STAG2: variants seen among roughly 807,000 people sequenced by gnomAD.
STAG2 encodes the protein cohesin subunit SA-2.
A neutral mutation model predicts 108.1 loss-of-function variants in STAG2; 14 were observed. The observed-to-expected ratio is 0.13, with a 90% CI of 0.09 to 0.20. STAG2 has a LOEUF of 0.20. Ranked by LOEUF, STAG2 falls within the 10% of genes least tolerant of loss-of-function variation. The pLI, the probability that STAG2 is intolerant of heterozygous loss-of-function variation, is 1.00. For missense variants in STAG2, 440 were observed against 940.9 expected, an observed-to-expected ratio of 0.47 and a Z score of 6.96; for synonymous variants, 307 against 302.7, an observed-to-expected ratio of 1.01 and a Z score of -0.15.
chrX:124,041,218 AT>A (rs201660600), intron 6 of STAG2, among the ~76,000 whole-genome samples: 10,780 of 96,944 alleles, frequency 0.11, 840 homozygotes, highest in East Asian at 0.39. Context: ...TAAAACAATC[AT>A]TTTTTTTTTT....
chrX:123,995,990 C>T (rs1440239453), intron 1 of STAG2, among the ~76,000 whole-genome samples: 2 of 111,691 alleles, frequency 1.8e-5, no homozygotes, highest in Non-Finnish European at 3.8e-5. Context: ...CACCAGTATC[C>T]TGAATACCAC....
chrX:124,060,406 G>A (rs991454880), intron 15 of STAG2, among the ~76,000 whole-genome samples: 11 of 112,482 alleles, frequency 9.8e-5, no homozygotes, highest in Non-Finnish European at 1.9e-4. Context: ...GATTACAGGC[G>A]TGAGCCACCA....
At chrX:124,012,947 A>G (rs1482979487) in intron 1 of STAG2, among the ~76,000 whole-genome samples, 1 of 111,748 alleles carries the variant, frequency 8.9e-6, no homozygotes, top group Non-Finnish European at 1.9e-5. Flanking sequence ...AGTATGTGAA[A>G]TGAAAATTTA....
At chrX:123,963,009 C>T (rs1209567235) in intron 1 of STAG2, among the ~76,000 whole-genome samples, 1 of 111,963 alleles carries the variant, frequency 8.9e-6, no homozygotes, top group Non-Finnish European at 1.9e-5. Context: ...TGGTTAGTGT[C>T]GAAAGAGGAA....
chrX:124,090,968 A>G lies in STAG2; in HGVS notation c.3578+4A>G. 3 of 1,143,839 alleles carry G rather than the reference A, an allele frequency of 2.6e-6. No homozygotes were observed. The highest frequency in any genetic ancestry group is 3.6e-6 in the Non-Finnish European group (3 of 835,789). The allele number at this position is 1,143,839 out of a possible 1,213,427, so 94.3% of individuals were successfully genotyped here. ...GAACTAATCTTCAGCATGCCATGTAAGTGAGAGTGCCTTATTGTCTGAGTC... is the reference window on the plus strand; with the variant it reads ...GAACTAATCTTCAGCATGCCATGTAGGTGAGAGTGCCTTATTGTCTGAGTC... On this transcript the variant is annotated splice_donor_region_variant and intron_variant, in intron 32 of 34. Coordinates refer to ENST00000371145, the MANE Select transcript of STAG2 (RefSeq NM_001042750.2).
intron 27 of STAG2, among the ~76,000 whole-genome samples, chrX:124,080,174 T>C (rs751911302): frequency 7.2e-5 from 8 of 111,167 alleles, no homozygotes; most frequent in Non-Finnish European, 1.5e-4. Context: ...GTACAGTACA[T>C]TACTCTTAAC....
chrX:124,025,960 TCA>T (rs768423067), intron 4 of STAG2, 42 bp downstream of exon 4: 34 of 938,416 alleles, frequency 3.6e-5, no homozygotes, highest in Admixed American at 7.5e-5. Flanking sequence ...TCCTAAGATC[TCA>T]CACACACACA....
chrX:124,045,818 T>C (rs2057859355), intron 8 of STAG2, among the ~76,000 whole-genome samples: 1 of 111,241 alleles, frequency 9.0e-6, no homozygotes, highest in Non-Finnish European at 1.9e-5. Flanking sequence ...GGAGATATCA[T>C]CACAGTCATT....
chrX:124,091,291 C>T lies in STAG2; in HGVS notation c.3578+327C>T, dbSNP rs183979154. ...ACTTAGTTCAGGCCCTCATCTCTCA[C>T]CTGAACTATTGTATTAGCTTTCTAA... On this transcript the variant is annotated intron_variant, in intron 32 of 34. Coordinates refer to ENST00000371145, the MANE Select transcript of STAG2 (RefSeq NM_001042750.2). 3.7e-3 allele frequency among the ~76,000 whole-genome samples: 416 copies of T among 111,399 alleles called. 2 individuals are homozygous for T. The highest frequency in any genetic ancestry group is 0.021 in the South Asian group (55 of 2,640).
chrX:124,018,144 C>CTG (rs1259325092), intron 1 of STAG2, among the ~76,000 whole-genome samples: 1 of 111,966 alleles, frequency 8.9e-6, no homozygotes, highest in African/African-American at 3.2e-5. Context: ...TCCTCCAAAG[C>CTG]TGTTAGAATG....
At chrX:124,082,175 C>T (rs1159308762) in intron 28 of STAG2, among the ~76,000 whole-genome samples, 1 of 111,664 alleles carries the variant, frequency 9.0e-6, no homozygotes, top group Non-Finnish European at 1.9e-5. Context: ...AGGTTTGATT[C>T]CTTTGTCTCA....
In STAG2 at chrX:124,037,548, G is replaced by T; in HGVS notation, c.310G>T (p.Glu104Ter). ...GTAGTCGGTGGTAGATGATTGGATA[G>T]AATCATACAAGCATGACCGAGATAT... ...AMQSVVDDWI[E>*]SYKHDRDIAL... is the part of the protein sequence containing the mutation. Residue 104 changes from glutamate to a stop codon, truncating the protein, a stop_gained, in exon 6 of 35, where the codon GAA becomes TAA. Transcript: ENST00000371145. LOFTEE classifies it high-confidence loss of function. 8.5e-7 allele frequency: 1 copy of T among 1,182,643 alleles called. No individual in the cohort carries two copies. Among genetic ancestry groups the T allele is most frequent in the South Asian group, 1.9e-5 (1 of 53,989 alleles).
At position 124,066,170 on chromosome X, in the gene STAG2, T is replaced by TTTTAA; in HGVS notation, c.2097-5_2097-4insTTTAA. 11 of 923,975 alleles carry TTTTAA rather than the reference T, an allele frequency of 1.2e-5. No homozygotes were observed. The highest frequency in any genetic ancestry group is 1.4e-5 in the Non-Finnish European group (10 of 700,151). 76.1% of individuals were successfully genotyped at this position (923,975 alleles called of 1,213,427 possible). On this transcript the variant is annotated splice_polypyrimidine_tract_variant and splice_region_variant and intron_variant, in intron 21 of 34. Transcript: ENST00000371145. Reference sequence around the variant, plus strand: ...TTTTTTTTTTTTTTTTTTTTTTTTTTACAGTGCCCATGACCTTTCAAAGTG... The same window carrying TTTTAA: ...TTTTTTTTTTTTTTTTTTTTTTTTTTTTTAAACAGTGCCCATGACCTTTCAAAGTG...
At chrX:124,096,287 C>T (rs1265085592) in intron 34 of STAG2, among the ~76,000 whole-genome samples, 4 of 110,996 alleles carry the variant, frequency 3.6e-5, no homozygotes, top group African/African-American at 1.3e-4. Flanking sequence ...CTTTTCCTTA[C>T]ATGTATTCTA....
intron 28 of STAG2, among the ~76,000 whole-genome samples, 154 bp from the exon 29 acceptor site, chrX:124,083,267 C>T (rs768657067): frequency 9.0e-6 from 1 of 111,524 alleles, no homozygotes; most frequent in Non-Finnish European, 1.9e-5. Context: ...GTCAGTATAT[C>T]TGCACATTCT....
intron 1 of STAG2, among the ~76,000 whole-genome samples, chrX:123,996,063 G>A (rs775252697): frequency 1.8e-5 from 2 of 112,293 alleles, no homozygotes; most frequent in South Asian, 7.3e-4. Flanking sequence ...TGACTGTATA[G>A]AAACTGACAG....
intron 4 of STAG2, among the ~76,000 whole-genome samples, chrX:124,028,823 T>TATA (rs1491294090): frequency 5.9e-5 from 3 of 50,601 alleles, no homozygotes; most frequent in East Asian, 5.8e-4. Context: ...TATATATATA[T>TATA]TTTTTTTTTT....
rs1445243165 is a variant in STAG2 at position 124,017,420 on chromosome X, C to CA, written c.-162-3946dup. Among the ~76,000 whole-genome samples the CA allele has an allele frequency of 2.7e-5, 3 of 110,755 alleles. No individual in the cohort carries two copies. In the East Asian group the frequency reaches 8.4e-4, roughly 31 times the overall value. On this transcript the variant is annotated intron_variant, in intron 1 of 34. Coordinates refer to ENST00000371145, the MANE Select transcript of STAG2 (RefSeq NM_001042750.2). ...AGAGACGAGGTTTCATCATGTTGGC[C>CA]AGACTGGTCCTGAACCCCTGACCTC... is the stretch of plus-strand genomic sequence containing the variant.
chrX:124,072,900 C>G (rs867088093), intron 25 of STAG2, among the ~76,000 whole-genome samples: 1 of 84,800 alleles, frequency 1.2e-5, no homozygotes, highest in Admixed American at 1.4e-4. Context: ...TTCTTTCTTT[C>G]TTTCTTTTTT....
Sources: gnomAD v4.1 joint callset for allele counts (sites outside exome capture counted in the v4.1 genomes callset) on GRCh38, gnomAD v4.1.1 for gene constraint, MANE v1.5 for transcripts, NCBI Gene and HGNC (gene_info 2026-07-23, HGNC 2026-07-21) for gene names.